Variants in UBR4 observed in about 807,000 individuals in gnomAD.
The protein encoded by UBR4 is ubiquitin protein ligase E3 component n-recognin 4, also known as E3 ubiquitin-protein ligase UBR4.
In UBR4, 124 loss-of-function variants were observed where a neutral mutation model predicts 575.6. That is an observed-to-expected ratio of 0.22 (90% CI 0.19 to 0.25). The LOEUF (loss-of-function observed/expected upper bound fraction) is 0.25, where lower values mean the gene tolerates loss of function less well. Among genes scored for constraint, UBR4 ranks in the 10% least tolerant of loss-of-function variants. The pLI is 1.00. For missense variants in UBR4, 4,818 were observed against 6,478.8 expected (o/e 0.74, Z 8.80); for synonymous variants, 2,455 against 2,473.7 (o/e 0.99, Z 0.22).
intron 84 of UBR4, among the ~76,000 whole-genome samples, 185 bp from the exon 85 acceptor site, chr1:19,105,374 A>G (rs2079074782): frequency 6.6e-6 from 1 of 152,220 alleles, no homozygotes; most frequent in Non-Finnish European, 1.5e-5. Flanking sequence ...ACATCTAGGA[A>G]GCATTCAGAG....
At chr1:19,207,899 T>C (rs2093088810) in intron 1 of UBR4, among the ~76,000 whole-genome samples, 1 of 152,254 alleles carries the variant, frequency 6.6e-6, no homozygotes, top group African/African-American at 2.4e-5. Flanking sequence ...GGTGTGTGGC[T>C]GCTTTCACAC....
At chr1:19,171,044 G>C (rs940138887) in intron 25 of UBR4, among the ~76,000 whole-genome samples, 161 bp from the exon 26 acceptor site, 4 of 152,042 alleles carry the variant, frequency 2.6e-5, no homozygotes, top group African/African-American at 9.7e-5. Context: ...ATTCCAATGG[G>C]TAATCATTTC....
At chr1:19,193,650 T>A (rs2092266641) in intron 8 of UBR4, 93 bp from the exon 9 acceptor site, 3 of 1,466,528 alleles carry the variant, frequency 2.0e-6, no homozygotes, top group Non-Finnish European at 1.8e-6. Context: ...CACAAGCAAT[T>A]CCATGATTTG....
chr1:19,120,393 T>C, intron 68 of UBR4, 45 bp from the exon 69 acceptor site: 1 of 1,595,062 alleles, frequency 6.3e-7, no homozygotes, highest in Non-Finnish European at 8.6e-7. Context: ...TAGGAAGAAG[T>C]CCTCCAGGGT....
chr1:19,163,656 A>C, intron 34 of UBR4, 108 bp downstream of exon 34: 19 of 1,129,714 alleles, frequency 1.7e-5, no homozygotes, highest in Non-Finnish European at 2.3e-5. Flanking sequence ...TATCCTTGGT[A>C]GGCTAGCCAG....
intron 11 of UBR4, among the ~76,000 whole-genome samples, chr1:19,188,114 A>G (rs960486010): frequency 6.6e-5 from 10 of 151,900 alleles, no homozygotes; most frequent in African/African-American, 2.4e-4. Flanking sequence ...AAATTTTTGG[A>G]ATTTAAACAA....
At chr1:19,094,756 G>T in intron 94 of UBR4, 150 bp downstream of exon 94, 1 of 1,052,332 alleles carries the variant, frequency 9.5e-7, no homozygotes, top group Non-Finnish European at 1.3e-6. Context: ...ATACAATTAT[G>T]TCATCATTAG....
chr1:19,156,154 G>GA, intron 42 of UBR4, 117 bp downstream of exon 42: 2 of 1,393,884 alleles, frequency 1.4e-6, no homozygotes, highest in East Asian at 4.6e-5. Flanking sequence ...TACTACAGGT[G>GA]AAAGTCATGG....
At chr1:19,125,869 G>C (rs1276074137) in intron 64 of UBR4, among the ~76,000 whole-genome samples, 2 of 152,174 alleles carry the variant, frequency 1.3e-5, no homozygotes, top group African/African-American at 4.8e-5. Context: ...ATACATGCTA[G>C]GCATTGTGCT....
At position 19,131,257 on chromosome 1, in the gene UBR4, A is replaced by T. The variant is rs538131381; in HGVS notation, c.8907-2183T>A. Among the ~76,000 whole-genome samples the T allele has an allele frequency of 1.4e-3, 205 of 150,714 alleles. 1 individual carries two copies. Among genetic ancestry groups the T allele is most frequent in the Non-Finnish European group, 1.8e-3 (121 of 67,586 alleles). Reference sequence around the variant, plus strand: ...CTCTTGAAACTTAAAAAAAAAAAAAAAAAAAAAAAAAATAAACACAGCACC... The same window carrying T: ...CTCTTGAAACTTAAAAAAAAAAAAATAAAAAAAAAAAATAAACACAGCACC... On this transcript the variant is annotated intron_variant, in intron 60 of 105. Coordinates refer to ENST00000375254, the MANE Select transcript of UBR4 (RefSeq NM_020765.3).
rs1032287737 is a variant in UBR4, at chr1:19,152,700, T to C, written c.6833-224A>G. Among the ~76,000 whole-genome samples, 1 of 152,236 alleles carries C rather than the reference T, an allele frequency of 6.6e-6. No homozygotes were observed. The highest frequency in any genetic ancestry group is 2.4e-5 in the African/African-American group (1 of 41,460). ...AATACCAAGAAATCTGGCATTGGTA[T>C]TGGGTGTACAGCTAATAACAATAGG... On this transcript the variant is annotated intron_variant, in intron 46 of 105. Coordinates refer to ENST00000375254, the MANE Select transcript of UBR4 (RefSeq NM_020765.3). The surrounding 1 kb of genome is among the most constrained non-coding windows in gnomAD (Gnocchi z 4.4).
Position 19,184,022 on chromosome 1 carries a change from G to A in UBR4, c.2092C>T (p.Leu698Phe), listed in dbSNP as rs1257135696. ...SIIKEVDKDG[L>F]KGSSDEEFAA... is the part of the protein sequence containing the mutation. Reference sequence around the variant, plus strand: ...ACATATCTTGTCTACTGACCCTTGAGTCCATCTTTGTCCACCTCCTTGATG... The same window carrying A: ...ACATATCTTGTCTACTGACCCTTGAATCCATCTTTGTCCACCTCCTTGATG... Residue 698 changes from leucine to phenylalanine, a missense_variant, in exon 16 of 106, where the codon CTC (leucine) becomes TTC (phenylalanine). Leu to Phe is a conservative substitution (Grantham distance 22). Coordinates refer to ENST00000375254, the MANE Select transcript of UBR4 (RefSeq NM_020765.3). 3 of 1,614,120 alleles carry A rather than the reference G, an allele frequency of 1.9e-6. No homozygotes were observed. Among genetic ancestry groups the A allele is most frequent in the Admixed American group, 1.7e-5 (1 of 60,018 alleles).
chr1:19,111,112 C>A (rs1158810410), intron 78 of UBR4, among the ~76,000 whole-genome samples: 1 of 152,238 alleles, frequency 6.6e-6, no homozygotes, highest in Non-Finnish European at 1.5e-5. Context: ...AGAGCCCCTG[C>A]TGTCTGGTGT....
chr1:19,095,694 A>AGTGTAGGACATGGGGGCC, intron 92 of UBR4, 42 bp from the exon 93 acceptor site: 1 of 1,587,990 alleles, frequency 6.3e-7, no homozygotes, highest in African/African-American at 1.3e-5. Flanking sequence ...GCCACATGAG[A>AGTGTAGGACATGGGGGCC]GTGTAGGACA....
rs1285167154 is a variant in UBR4 at position 19,179,151 on chromosome 1, G to C, written c.2254C>G (p.Gln752Glu). Residue 752 changes from glutamine to glutamate, a missense_variant, in exon 18 of 106, where the codon CAA (glutamine) becomes GAA (glutamate). By Grantham distance (29) the Gln-to-Glu change is conservative (BLOSUM62 2). Around this residue, in one of 29 missense-constraint regions of UBR4, gnomAD observed 1,172 missense variants for 1,259.7 expected, o/e 0.93. Transcript: ENST00000375254. ...AGGCGTGAAAGCACAGAGAGGCTTTGAGGGTGAATGTACAAGGGCCAAGGG... is the reference window on the plus strand; with the variant it reads ...AGGCGTGAAAGCACAGAGAGGCTTTCAGGGTGAATGTACAAGGGCCAAGGG... Reference protein sequence around the residue: ...EGPWPLYIHPQSLSVLSRLLL... With the variant: ...EGPWPLYIHPESLSVLSRLLL... 2 of 1,613,572 alleles carry C rather than the reference G, an allele frequency of 1.2e-6. No individual in the cohort carries two copies. The highest frequency in any genetic ancestry group is 2.7e-5 in the African/African-American group (2 of 74,856).
intron 19 of UBR4, 73 bp from the exon 20 acceptor site, chr1:19,176,800 T>C (rs1318923505): frequency 2.9e-5 from 44 of 1,528,658 alleles, no homozygotes; most frequent in Non-Finnish European, 3.7e-5. Context: ...GGCATGATAA[T>C]AGCTCGGTAC....
At position 19,117,334 on chromosome 1, in the gene UBR4, G is replaced by C; in HGVS notation, c.10710C>G (p.Thr3570=). The part of the protein sequence containing the change: ...QQVVKLIGSH[T]ISKVTVKIGD... ...CGATTTTCACTGTCACTTTGCTGAT[G>C]GTGTGACTGCCAATGAGCTTCACAA... The change falls in exon 73 of 106, where the codon ACC becomes ACG. Residue 3570 remains threonine (T), a synonymous_variant. Transcript: ENST00000375254. This position sits in a 1 kb window ranked among gnomAD's most constrained non-coding sequence, Gnocchi z 4.0. The C allele has an allele frequency of 6.2e-7, 1 of 1,614,150 alleles. No homozygotes were observed. The highest frequency in any genetic ancestry group is 8.5e-7 in the Non-Finnish European group (1 of 1,180,020).
At chr1:19,094,463 GAGGAAATTAC>G (rs1392210107) in intron 94 of UBR4, among the ~76,000 whole-genome samples, 1 of 152,166 alleles carries the variant, frequency 6.6e-6, no homozygotes, top group Non-Finnish European at 1.5e-5. Flanking sequence ...AATAAGAATG[GAGGAAATTAC>G]AGGCATAGCA....
chr1:19,157,864 G>C lies in UBR4; in HGVS notation c.5711C>G (p.Ser1904Cys). ...LRRVAMCVLS[S>C]PHGRRQHLAV... Reference sequence around the variant, plus strand: ...CAAATGTTGGCGGCGCCCATGGGGAGAGGAGAGCACACACATAGCCACCCG... The same window carrying C: ...CAAATGTTGGCGGCGCCCATGGGGACAGGAGAGCACACACATAGCCACCCG... Residue 1904 changes from serine (S) to cysteine (C), a missense_variant, in exon 40 of 106, where the codon TCT becomes TGT. By Grantham distance (112) the Ser-to-Cys change is moderately radical (BLOSUM62 -1). Transcript: ENST00000375254. This position sits in a 1 kb window ranked among gnomAD's most constrained non-coding sequence, Gnocchi z 4.4. 2.5e-6 allele frequency: 4 copies of C among 1,614,222 alleles called. No individual in the cohort carries two copies. Among genetic ancestry groups the C allele is most frequent in the Non-Finnish European group, 2.5e-6 (3 of 1,180,028 alleles).
Sources: allele counts gnomAD v4.1 joint callset (sites outside exome capture counted in the v4.1 genomes callset), GRCh38; gene constraint gnomAD v4.1.1; regional missense constraint gnomAD v4.1.1; non-coding constraint Gnocchi (gnomAD v3.1); transcripts MANE v1.5; gene names NCBI Gene and HGNC (gene_info 2026-07-23, HGNC 2026-07-21).